The following SLC44A5 variants were observed in gnomAD, a reference collection of about 807,000 sequenced individuals.
SLC44A5 encodes the protein solute carrier family 44 member 5.
A neutral mutation model predicts 101.8 loss-of-function variants in SLC44A5; 57 were observed. That is an observed-to-expected ratio of 0.56 (90% CI 0.45 to 0.70). The LOEUF is 0.70. SLC44A5 is among the 30% of genes least tolerant of loss of function. The pLI is 0.00. For missense variants in SLC44A5, 737 were observed against 853.1 expected (o/e 0.86, Z 1.70); for synonymous variants, 281 against 290.9 (o/e 0.97, Z 0.35).
chr1:75,312,632 T>C (rs906423858), intron 4 of SLC44A5, among the ~76,000 whole-genome samples: 3 of 151,714 alleles, frequency 2.0e-5, no homozygotes, highest in South Asian at 2.1e-4. Flanking sequence ...TCCAGAACTA[T>C]GTGCCAAACA....
intron 5 of SLC44A5, among the ~76,000 whole-genome samples, chr1:75,289,668 A>G (rs1323403536): frequency 6.6e-6 from 1 of 152,230 alleles, no homozygotes; most frequent in African/African-American, 2.4e-5. Context: ...TGGAAATTTA[A>G]TCATGGAAAG....
chr1:75,354,758 C>A (rs1170034944), intron 3 of SLC44A5, among the ~76,000 whole-genome samples: 1 of 152,166 alleles, frequency 6.6e-6, no homozygotes, highest in Non-Finnish European at 1.5e-5. Flanking sequence ...TTAAGTAAAA[C>A]CTCCTAGGTC....
chr1:75,688,039 G>C, the SLC44A5 span, among the ~76,000 whole-genome samples: 1 of 152,172 alleles, frequency 6.6e-6, no homozygotes. Context: ...CTCAGTCATA[G>C]TGCCTCTGCT....
chr1:75,703,427 C>T, the SLC44A5 span, among the ~76,000 whole-genome samples: 6 of 151,698 alleles, frequency 4.0e-5, no homozygotes, highest in East Asian at 1.9e-4. Context: ...AACCAAACAC[C>T]GCATGTTCTC....
intron 4 of SLC44A5, among the ~76,000 whole-genome samples, chr1:75,317,525 G>T (rs1429178940): frequency 1.3e-5 from 2 of 152,120 alleles, no homozygotes; most frequent in East Asian, 1.9e-4. Flanking sequence ...TTAAAGACAG[G>T]TTCTTAAGAA....
At chr1:75,447,695 C>A (rs1404443865) in intron 2 of SLC44A5, among the ~76,000 whole-genome samples, 1 of 152,076 alleles carries the variant, frequency 6.6e-6, no homozygotes, top group Non-Finnish European at 1.5e-5. Context: ...TAAACTCACA[C>A]AAAAATACCC....
chr1:75,389,068 GA>G (rs922042135), intron 3 of SLC44A5, among the ~76,000 whole-genome samples: 4 of 151,326 alleles, frequency 2.6e-5, no homozygotes, highest in Admixed American at 1.3e-4. Context: ...ACTCACAACA[GA>G]AAAAAAGACA....
At chr1:75,480,168 T>C (rs1164076550) in intron 2 of SLC44A5, among the ~76,000 whole-genome samples, 1 of 152,192 alleles carries the variant, frequency 6.6e-6, no homozygotes, top group Non-Finnish European at 1.5e-5. Context: ...ATTATCTCAA[T>C]AGATGCAGAA....
intron 2 of SLC44A5, among the ~76,000 whole-genome samples, chr1:75,468,636 T>C (rs1477247759): frequency 6.6e-6 from 1 of 152,088 alleles, no homozygotes; most frequent in Non-Finnish European, 1.5e-5. Flanking sequence ...TGAACTCATG[T>C]TGATAGAGAG....
At chr1:75,652,523 G>T in the SLC44A5 span, among the ~76,000 whole-genome samples, 1 of 152,186 alleles carries the variant, frequency 6.6e-6, no homozygotes, top group African/African-American at 2.4e-5. Context: ...CAGGCACAGT[G>T]GTTCACAACT....
intron 3 of SLC44A5, among the ~76,000 whole-genome samples, chr1:75,349,963 A>C (rs759418114): frequency 2.0e-5 from 3 of 152,178 alleles, no homozygotes; most frequent in African/African-American, 2.4e-5. Flanking sequence ...GGTAAGAAAG[A>C]AAAGGAAAAT....
chr1:75,567,201 C>G (rs967631673), intron 1 of SLC44A5, among the ~76,000 whole-genome samples: 1 of 151,542 alleles, frequency 6.6e-6, no homozygotes, highest in Non-Finnish European at 1.5e-5. Context: ...TCAGGGATAA[C>G]TTTTTGCACT....
At chr1:75,452,119 C>T (rs1665940944) in intron 2 of SLC44A5, among the ~76,000 whole-genome samples, 1 of 151,992 alleles carries the variant, frequency 6.6e-6, no homozygotes, top group Non-Finnish European at 1.5e-5. Flanking sequence ...AAGGTCAATG[C>T]TAAAGAAAAA....
At chr1:75,639,991 T>C in the SLC44A5 span, among the ~76,000 whole-genome samples, 1 of 152,062 alleles carries the variant, frequency 6.6e-6, no homozygotes, top group Non-Finnish European at 1.5e-5. Flanking sequence ...ATAATTGCTT[T>C]GGTCAGTTAT....
At chr1:75,620,948 AG>A in the SLC44A5 span, among the ~76,000 whole-genome samples, 1 of 151,872 alleles carries the variant, frequency 6.6e-6, no homozygotes, top group Non-Finnish European at 1.5e-5. Flanking sequence ...ATTTTTTTCT[AG>A]GGTTTTCATG....
At chr1:75,300,761 G>T in intron 4 of SLC44A5, 76 bp from the exon 5 acceptor site, 1 of 886,952 alleles carries the variant, frequency 1.1e-6, no homozygotes, top group Non-Finnish European at 1.7e-6. Context: ...AATGAAGGAA[G>T]AGAGAAAAAG....
the SLC44A5 span, among the ~76,000 whole-genome samples, chr1:75,687,357 G>A: frequency 2.6e-5 from 4 of 152,102 alleles, no homozygotes; most frequent in Admixed American, 2.6e-4. Context: ...AGGCTGGAGT[G>A]CAGTGGCACA....
At chr1:75,685,113 G>A in the SLC44A5 span, among the ~76,000 whole-genome samples, 1 of 152,148 alleles carries the variant, frequency 6.6e-6, no homozygotes, top group Non-Finnish European at 1.5e-5. Flanking sequence ...CTGAATCAAT[G>A]GCCTAAGCTG....
rs752046922 is a variant in SLC44A5, at chr1:75,338,591, A to C, written c.101+991T>G. Among the ~76,000 whole-genome samples, 4 of 152,356 alleles carry C rather than the reference A, an allele frequency of 2.6e-5. No homozygotes were observed. In the East Asian group the frequency reaches 7.7e-4, roughly 29 times the overall value. Reference sequence around the variant, plus strand: ...TGAGGCTGTTTGTATACTAGACAACAAAATGTATTCATGGTGTTACCATGG... The same window carrying C: ...TGAGGCTGTTTGTATACTAGACAACCAAATGTATTCATGGTGTTACCATGG... On this transcript the variant is annotated intron_variant, in intron 4 of 23. Transcript: ENST00000370859.
Sources: allele counts gnomAD v4.1 joint callset (sites outside exome capture counted in the v4.1 genomes callset), GRCh38; gene constraint gnomAD v4.1.1; transcripts MANE v1.5; gene names NCBI Gene and HGNC (gene_info 2026-07-23, HGNC 2026-07-21).